Variants in CPED1 observed in about 807,000 individuals in gnomAD.
CPED1 encodes the protein cadherin-like and PC-esterase domain-containing protein 1.
Under a neutral mutation model 128.2 loss-of-function variants are expected in CPED1, and 114 were observed. The observed-to-expected ratio is 0.89, with a 90% CI of 0.76 to 1.04. The LOEUF is 1.04. Ranked by LOEUF, CPED1 falls within the 50% of genes least tolerant of loss-of-function variation. The pLI is 0.00. For synonymous variants in CPED1, 462 were observed against 426.7 expected (o/e 1.08, Z -1.02); for missense variants, 1,211 against 1,207.1 (o/e 1.00, Z -0.05).
At chr7:120,994,474 A>T (rs1796359761) in intron 2 of CPED1, among the ~76,000 whole-genome samples, 1 of 152,232 alleles carries the variant, frequency 6.6e-6, no homozygotes, top group Non-Finnish European at 1.5e-5. Flanking sequence ...GGAAACTGAC[A>T]ATTACAAGAC....
Position 121,078,337 on chromosome 7 carries a change from G to T in CPED1, c.616+14024G>T, listed in dbSNP as rs58849459. Among the ~76,000 whole-genome samples, 515 of 151,980 alleles carry T rather than the reference G, an allele frequency of 3.4e-3. 2 individuals carry two copies. Among genetic ancestry groups the T allele is most frequent in the African/African-American group, 0.012 (485 of 41,488 alleles). On this transcript the variant is annotated intron_variant, in intron 5 of 22. Coordinates refer to ENST00000310396, the MANE Select transcript of CPED1 (RefSeq NM_024913.5). ...GGATTACAGGTGTGAGCCACTGCAC[G>T]TGGCCTGATTTGTTTTTTAATTTTT...
intron 16 of CPED1, among the ~76,000 whole-genome samples, chr7:121,229,855 AAGGAAATGCTTTCAGTT>A (rs1563072811): frequency 2.6e-5 from 4 of 151,892 alleles, no homozygotes; most frequent in African/African-American, 9.7e-5. Context: ...AGACCTTGAG[AAGGAAATGCTTTCAGTT>A]AACCTTATGG....
At chr7:121,178,141 G>A (rs1395192436) in intron 16 of CPED1, among the ~76,000 whole-genome samples, 1 of 152,018 alleles carries the variant, frequency 6.6e-6, no homozygotes, top group African/African-American at 2.4e-5. Context: ...TTTTTGGCAT[G>A]CAGCCTCTGA....
chr7:121,129,275 G>A (rs1173692665), intron 11 of CPED1, among the ~76,000 whole-genome samples: 1 of 123,732 alleles, frequency 8.1e-6, no homozygotes, highest in Non-Finnish European at 1.7e-5. Context: ...GTATATGTGT[G>A]TGTGTATATA....
intron 4 of CPED1, chr7:121,050,987 C>T (rs1793337156): frequency 3.8e-6 from 2 of 526,738 alleles, no homozygotes; most frequent in Non-Finnish European, 7.7e-6. Flanking sequence ...GCTAAACCTG[C>T]TCCTGCAAAA....
At chr7:121,116,977 TACACAC>T (rs71170227) in intron 7 of CPED1, among the ~76,000 whole-genome samples, 1 of 121,712 alleles carries the variant, frequency 8.2e-6, no homozygotes, top group Non-Finnish European at 1.7e-5. Context: ...TATATATATA[TACACAC>T]ACACACACAT....
chr7:121,217,115 G>A (rs1265519320), intron 16 of CPED1, among the ~76,000 whole-genome samples: 1 of 151,640 alleles, frequency 6.6e-6, no homozygotes, highest in Non-Finnish European at 1.5e-5. Flanking sequence ...GGAATGCAGT[G>A]CAGTGTCATG....
At chr7:121,257,395 T>C (rs1375934938) in intron 18 of CPED1, among the ~76,000 whole-genome samples, 16 of 152,082 alleles carry the variant, frequency 1.1e-4, no homozygotes, top group Non-Finnish European at 2.1e-4. Flanking sequence ...TGATTTTCAT[T>C]TTTACAGTGT....
At chr7:121,065,490 T>C (rs980086472) in intron 5 of CPED1, among the ~76,000 whole-genome samples, 25 of 152,232 alleles carry the variant, frequency 1.6e-4, no homozygotes, top group African/African-American at 6.0e-4. Flanking sequence ...TCTGAAGAAA[T>C]TTTTACTTTT....
chr7:121,177,959 C>T (rs549199821), intron 16 of CPED1, among the ~76,000 whole-genome samples: 2 of 152,086 alleles, frequency 1.3e-5, no homozygotes, highest in Non-Finnish European at 1.5e-5. Context: ...ATTGTCATCC[C>T]CAAGATATTA....
intron 4 of CPED1, among the ~76,000 whole-genome samples, chr7:121,052,884 AT>A (rs571346454): frequency 6.6e-6 from 1 of 151,536 alleles, no homozygotes; most frequent in East Asian, 1.9e-4. Context: ...ACCACACCTA[AT>A]TTTTTTTATT....
intron 5 of CPED1, among the ~76,000 whole-genome samples, chr7:121,067,543 T>C (rs958781824): frequency 6.6e-6 from 1 of 152,210 alleles, no homozygotes; most frequent in Admixed American, 6.5e-5. Flanking sequence ...TTCCAAGTCT[T>C]TGCTATTGTG....
At chr7:121,238,166 G>A (rs1013650487) in intron 17 of CPED1, among the ~76,000 whole-genome samples, 4 of 152,174 alleles carry the variant, frequency 2.6e-5, no homozygotes, top group African/African-American at 9.7e-5. Flanking sequence ...ACTTATGTTA[G>A]GCTTTGTGCC....
intron 5 of CPED1, among the ~76,000 whole-genome samples, chr7:121,069,298 A>G (rs1271281868): frequency 1.3e-5 from 2 of 152,172 alleles, no homozygotes; most frequent in Non-Finnish European, 2.9e-5. Flanking sequence ...CTTGTACTTC[A>G]GTTTTCTTCT....
intron 3 of CPED1, among the ~76,000 whole-genome samples, chr7:121,045,736 A>G (rs1257278108): frequency 2.0e-5 from 3 of 152,124 alleles, no homozygotes; most frequent in Non-Finnish European, 4.4e-5. Flanking sequence ...GTATACAGAA[A>G]TTGTTTGTTT....
chr7:121,023,034 A>C (rs893618531), intron 3 of CPED1, among the ~76,000 whole-genome samples: 4 of 152,054 alleles, frequency 2.6e-5, no homozygotes, highest in Non-Finnish European at 5.9e-5. Flanking sequence ...AAAAAGATAC[A>C]TATTTTTCAA....
intron 16 of CPED1, among the ~76,000 whole-genome samples, chr7:121,167,859 G>C (rs1796568372): frequency 6.6e-6 from 1 of 150,918 alleles, no homozygotes; most frequent in Non-Finnish European, 1.5e-5. Flanking sequence ...AGCCTCCTGT[G>C]TAGCTGGGAC....
At chr7:121,028,375 C>T (rs1340572795) in intron 3 of CPED1, among the ~76,000 whole-genome samples, 1 of 152,176 alleles carries the variant, frequency 6.6e-6, no homozygotes, top group Non-Finnish European at 1.5e-5. Context: ...AGTAGCCAAA[C>T]AATTCCTCAT....
chr7:121,000,436 A>G (rs781302843), intron 2 of CPED1, among the ~76,000 whole-genome samples: 3 of 152,172 alleles, frequency 2.0e-5, no homozygotes, highest in Non-Finnish European at 4.4e-5. Context: ...ATTTTATTCA[A>G]CTTTCAATTA....
Sources: allele counts gnomAD v4.1 joint callset (sites outside exome capture counted in the v4.1 genomes callset), GRCh38; gene constraint gnomAD v4.1.1; transcripts MANE v1.5; gene names NCBI Gene and HGNC (gene_info 2026-07-23, HGNC 2026-07-21).